PREX2: variants seen among roughly 807,000 people sequenced by gnomAD.
The protein encoded by PREX2 is phosphatidylinositol 3,4,5-trisphosphate-dependent Rac exchanger 2 protein.
PREX2 carries 107 observed loss-of-function variants against 203.2 expected under a neutral mutation model. The observed-to-expected ratio is 0.53, with a 90% CI of 0.45 to 0.62. The LOEUF (loss-of-function observed/expected upper bound fraction) is 0.62. Ranked by LOEUF, PREX2 falls within the 20% of genes least tolerant of loss-of-function variation. PREX2 has a pLI of 0.00. For synonymous variants in PREX2, 672 were observed against 663.6 expected, an observed-to-expected ratio of 1.01 and a Z score of -0.19; for missense variants, 1,777 against 1,955.9, an observed-to-expected ratio of 0.91 and a Z score of 1.72.
intron 35 of PREX2, among the ~76,000 whole-genome samples, chr8:68,180,112 A>T (rs1400775243): frequency 2.0e-5 from 3 of 151,794 alleles, no homozygotes; most frequent in African/African-American, 7.3e-5. Context: ...TATTGTTCAT[A>T]CCTCCCCCTC....
intron 15 of PREX2, among the ~76,000 whole-genome samples, chr8:68,079,245 T>C (rs1809441236): frequency 6.6e-6 from 1 of 152,204 alleles, no homozygotes; most frequent in Non-Finnish European, 1.5e-5. Flanking sequence ...TGGTTGATAG[T>C]TTCGTTTGTT....
At chr8:68,052,980 C>A in intron 8 of PREX2, 117 bp from the exon 9 acceptor site, 3 of 835,040 alleles carry the variant, frequency 3.6e-6, no homozygotes, top group Non-Finnish European at 5.6e-6. Context: ...ATATGTAAAG[C>A]AAAGAGATGT....
At chr8:68,023,300 T>C (rs1807622615) in intron 4 of PREX2, among the ~76,000 whole-genome samples, 2 of 152,168 alleles carry the variant, frequency 1.3e-5, no homozygotes, top group Admixed American at 6.6e-5. Flanking sequence ...GCATTTTCAG[T>C]TTTTCTGATT....
intron 13 of PREX2, 98 bp from the exon 14 acceptor site, chr8:68,072,397 T>C: frequency 1.6e-6 from 1 of 640,548 alleles, no homozygotes; most frequent in Non-Finnish European, 2.7e-6. Context: ...ACTTCTCTGT[T>C]GCATATTGAT....
chr8:68,204,164 T>G (rs1290132303), intron 37 of PREX2, among the ~76,000 whole-genome samples: 3 of 151,982 alleles, frequency 2.0e-5, no homozygotes, highest in African/African-American at 7.3e-5. Context: ...CACTGCTGTT[T>G]CATAGTCATA....
chr8:67,982,882 T>C (rs1806311268), intron 1 of PREX2, among the ~76,000 whole-genome samples: 1 of 152,248 alleles, frequency 6.6e-6, no homozygotes, highest in Non-Finnish European at 1.5e-5. Context: ...CTTGTTCAAT[T>C]GTCTGACCCT....
intron 38 of PREX2, among the ~76,000 whole-genome samples, chr8:68,221,117 T>C (rs1812946316): frequency 6.6e-6 from 1 of 152,220 alleles, no homozygotes; most frequent in African/African-American, 2.4e-5. Context: ...GCATGCAATA[T>C]TTGATTTTCT....
intron 31 of PREX2, among the ~76,000 whole-genome samples, chr8:68,133,549 C>G (rs1315909294): frequency 6.6e-6 from 1 of 152,134 alleles, no homozygotes; most frequent in Non-Finnish European, 1.5e-5. Context: ...CTTATAATTG[C>G]AAACAATTGA....
chr8:68,147,318 A>G (rs1811348694), intron 34 of PREX2, among the ~76,000 whole-genome samples: 1 of 152,178 alleles, frequency 6.6e-6, no homozygotes, highest in Admixed American at 6.5e-5. Flanking sequence ...TTTGCATTAT[A>G]CCATGATATG....
At chr8:67,974,561 T>C (rs1173361719) in intron 1 of PREX2, among the ~76,000 whole-genome samples, 3 of 152,262 alleles carry the variant, frequency 2.0e-5, no homozygotes, top group East Asian at 1.9e-4. Flanking sequence ...AAAGGATGCG[T>C]GAAAGGGAGT....
intron 31 of PREX2, among the ~76,000 whole-genome samples, chr8:68,133,036 G>T (rs1374500072): frequency 2.0e-5 from 3 of 152,150 alleles, no homozygotes; most frequent in Non-Finnish European, 4.4e-5. Flanking sequence ...ATAAAGGAAA[G>T]AAGTTTAATT....
At chr8:68,064,941 G>T (rs1327750621) in intron 11 of PREX2, among the ~76,000 whole-genome samples, 1 of 152,114 alleles carries the variant, frequency 6.6e-6, no homozygotes, top group Non-Finnish European at 1.5e-5. Flanking sequence ...ACCACCTAGA[G>T]AGCCAGTTGT....
chr8:68,004,369 A>G (rs201442623), intron 1 of PREX2, among the ~76,000 whole-genome samples: 2 of 152,336 alleles, frequency 1.3e-5, no homozygotes, highest in East Asian at 3.9e-4. Flanking sequence ...GTAAGTTTGA[A>G]TGGTGACCTT....
At chr8:68,059,175 C>T (rs1808768511) in intron 10 of PREX2, among the ~76,000 whole-genome samples, 1 of 152,130 alleles carries the variant, frequency 6.6e-6, no homozygotes, top group Non-Finnish European at 1.5e-5. Flanking sequence ...TAGTCTACAA[C>T]AAATTCAATA....
intron 1 of PREX2, among the ~76,000 whole-genome samples, chr8:68,011,040 G>C (rs1045464010): frequency 6.6e-6 from 1 of 152,120 alleles, no homozygotes; most frequent in Admixed American, 6.5e-5. Context: ...AAAGAACATG[G>C]AGTTGTTTCA....
chr8:68,187,842 T>C (rs1190625391), intron 35 of PREX2, among the ~76,000 whole-genome samples: 2 of 152,128 alleles, frequency 1.3e-5, no homozygotes, highest in Non-Finnish European at 2.9e-5. Context: ...GGAGATGAAA[T>C]GCAAGTGATG....
chr8:68,181,014 C>T (rs572880627), intron 35 of PREX2, among the ~76,000 whole-genome samples: 6 of 152,066 alleles, frequency 3.9e-5, no homozygotes, highest in Admixed American at 2.0e-4. Flanking sequence ...ATGAGATTGT[C>T]CCTTGTTATT....
intron 1 of PREX2, among the ~76,000 whole-genome samples, chr8:67,965,209 A>T (rs1805733462): frequency 6.6e-6 from 1 of 152,204 alleles, no homozygotes. Flanking sequence ...TCCCTCACAG[A>T]AATAAGGAAA....
intron 35 of PREX2, among the ~76,000 whole-genome samples, chr8:68,189,360 G>A (rs1183221255): frequency 6.6e-6 from 1 of 152,158 alleles, no homozygotes; most frequent in Non-Finnish European, 1.5e-5. Flanking sequence ...GTAAGGTCCT[G>A]GGGTCTACCT....
Sources: allele counts gnomAD v4.1 joint callset (sites outside exome capture counted in the v4.1 genomes callset), GRCh38; gene constraint gnomAD v4.1.1; transcripts MANE v1.5; gene names NCBI Gene and HGNC (gene_info 2026-07-23, HGNC 2026-07-21).